GPHN: variants seen among roughly 807,000 people sequenced by gnomAD.
The protein encoded by GPHN is gephyrin.
GPHN carries 17 observed loss-of-function variants against 95.5 expected under a neutral mutation model. The ratio of observed to expected loss-of-function variants is 0.18; its 90% CI spans 0.12 to 0.27. The LOEUF is 0.27. GPHN is among the 10% of genes least tolerant of loss of function. GPHN has a pLI of 1.00. For synonymous variants in GPHN, 320 were observed against 322.5 expected (o/e 0.99, Z 0.08); for missense variants, 660 against 978.1 (o/e 0.67, Z 4.34).
the GPHN span, chr14:67,724,542 C>T: frequency 1.0e-4 from 168 of 1,613,840 alleles, no homozygotes; most frequent in South Asian, 9.3e-4. Flanking sequence ...TGATCACTGG[C>T]GCCAACACGG....
chr14:67,587,343 T>C, the GPHN span: 2 of 1,254,042 alleles, frequency 1.6e-6, no homozygotes, highest in South Asian at 2.4e-5. Context: ...CCGGCTACTC[T>C]TGTTCTGTGA....
chr14:66,683,329 AATATATATATATAT>A (rs59011754), intron 2 of GPHN, among the ~76,000 whole-genome samples: 5 of 7,924 alleles, frequency 6.3e-4, no homozygotes, highest in Non-Finnish European at 8.7e-4. Flanking sequence ...CCAATGTGGA[AATATATATATATAT>A]ATATATATAT....
chr14:67,524,424 G>T, the GPHN span, among the ~76,000 whole-genome samples: 1 of 152,116 alleles, frequency 6.6e-6, no homozygotes, highest in Non-Finnish European at 1.5e-5. Context: ...CTACAATTAG[G>T]AGTGTGGACA....
At chr14:66,713,732 C>T (rs1463288486) in intron 2 of GPHN, among the ~76,000 whole-genome samples, 2 of 141,104 alleles carry the variant, frequency 1.4e-5, no homozygotes, top group South Asian at 4.4e-4. Context: ...GGCACTATGT[C>T]ATTTTCTTTG....
chr14:66,821,265 A>G (rs1184400833), intron 3 of GPHN, among the ~76,000 whole-genome samples: 1 of 152,238 alleles, frequency 6.6e-6, no homozygotes. Flanking sequence ...TTTAAACATG[A>G]TAGAATAAAA....
Position 66,829,515 on chromosome 14 carries a change from A to C in GPHN, c.294+4949A>C, listed in dbSNP as rs183130472. 2.1e-3 allele frequency among the ~76,000 whole-genome samples: 318 copies of C among 152,310 alleles called. 1 individual carries two copies. Among genetic ancestry groups the C allele is most frequent in the African/African-American group, 7.1e-3 (296 of 41,576 alleles). ...ACAAAGTATTTTCCCTTTATGTCCC[A>C]TTATTACTTCAAAGCAATGTATGTC... On this transcript the variant is annotated intron_variant, in intron 4 of 22. Coordinates refer to ENST00000478722, the MANE Select transcript of GPHN (RefSeq NM_020806.5).
chr14:66,932,984 G>T (rs1011928669), intron 8 of GPHN, among the ~76,000 whole-genome samples: 2 of 152,122 alleles, frequency 1.3e-5, no homozygotes, highest in Admixed American at 6.5e-5. Context: ...TTGTAAAACT[G>T]TTCTAACTGG....
intron 2 of GPHN, among the ~76,000 whole-genome samples, chr14:66,727,474 T>C (rs1251675192): frequency 2.0e-5 from 3 of 152,326 alleles, no homozygotes; most frequent in South Asian, 4.1e-4. Flanking sequence ...TGGAAGTCCC[T>C]AGAGACTCGT....
chr14:66,971,771 C>G (rs2069803788), intron 9 of GPHN, among the ~76,000 whole-genome samples: 1 of 152,056 alleles, frequency 6.6e-6, no homozygotes, highest in Non-Finnish European at 1.5e-5. Flanking sequence ...GATCTTTTAC[C>G]CAGGCATGAT....
chr14:67,697,165 G>A, the GPHN span, among the ~76,000 whole-genome samples: 3 of 152,266 alleles, frequency 2.0e-5, no homozygotes, highest in South Asian at 2.1e-4. Context: ...ATCTCTGCTC[G>A]CCCGGAGTTC....
the GPHN span, among the ~76,000 whole-genome samples, chr14:67,315,609 C>T: frequency 6.6e-6 from 1 of 152,202 alleles, no homozygotes; most frequent in Non-Finnish European, 1.5e-5. Context: ...AATTTTCCTT[C>T]TAGTAATAGT....
chr14:66,926,718 A>T (rs934667393), intron 8 of GPHN, among the ~76,000 whole-genome samples: 1 of 152,050 alleles, frequency 6.6e-6, no homozygotes, highest in South Asian at 2.1e-4. Context: ...TTTGCTTAGG[A>T]TAGCTTTGGT....
intron 9 of GPHN, among the ~76,000 whole-genome samples, chr14:67,018,904 A>T (rs778891286): frequency 1.2e-4 from 19 of 152,222 alleles, no homozygotes; most frequent in Admixed American, 3.9e-4. Context: ...TTAAAGGGAA[A>T]GTCAAGATAT....
intron 13 of GPHN, among the ~76,000 whole-genome samples, chr14:67,104,160 G>A (rs1040338492): frequency 4.6e-5 from 7 of 152,144 alleles, no homozygotes; most frequent in Admixed American, 1.3e-4. Context: ...TTGGTGTGAT[G>A]TATCACATTT....
intron 1 of GPHN, among the ~76,000 whole-genome samples, chr14:66,679,309 T>A (rs2066804231): frequency 6.6e-6 from 1 of 152,250 alleles, no homozygotes; most frequent in African/African-American, 2.4e-5. Context: ...AATTCAGCTT[T>A]AAGTTTTCTT....
At chr14:67,496,406 T>G in the GPHN span, among the ~76,000 whole-genome samples, 2 of 130,406 alleles carry the variant, frequency 1.5e-5, no homozygotes, top group South Asian at 3.0e-4. Flanking sequence ...TTTTTTTTTT[T>G]TTTTTTTTTT....
chr14:67,033,563 CAA>C (rs376350331), intron 10 of GPHN, among the ~76,000 whole-genome samples: 2 of 131,322 alleles, frequency 1.5e-5, no homozygotes, highest in Non-Finnish European at 1.7e-5. Context: ...GACCCTGACT[CAA>C]AAAAAAAAAG....
chr14:66,932,445 T>TTTTG (rs2066858778), intron 8 of GPHN, among the ~76,000 whole-genome samples: 1 of 47,630 alleles, frequency 2.1e-5, no homozygotes, highest in African/African-American at 9.9e-5. Context: ...CAAGACCAGG[T>TTTTG]TTTTTTTTTT....
chr14:67,096,024 A>G (rs963315646), intron 12 of GPHN, among the ~76,000 whole-genome samples: 1 of 151,758 alleles, frequency 6.6e-6, no homozygotes, highest in Middle Eastern at 3.2e-3. Context: ...GCCCTACTAA[A>G]TTAGAATCTG....
Sources: gnomAD v4.1 joint callset for allele counts (sites outside exome capture counted in the v4.1 genomes callset) on GRCh38, gnomAD v4.1.1 for gene constraint, MANE v1.5 for transcripts, NCBI Gene and HGNC (gene_info 2026-07-23, HGNC 2026-07-21) for gene names.